The following SHE variants were observed in gnomAD, a reference collection of about 807,000 sequenced individuals.
The protein encoded by SHE is Src homology 2 domain containing E, also known as SH2 domain-containing adapter protein E.
In SHE, 11 loss-of-function variants were observed where a neutral mutation model predicts 49.8. That is an observed-to-expected ratio of 0.22 (90% CI 0.14 to 0.37). The LOEUF (loss-of-function observed/expected upper bound fraction) is 0.37, where lower values mean the gene tolerates loss of function less well. Ranked by LOEUF, SHE falls within the 10% of genes least tolerant of loss-of-function variation. The pLI is 1.00. For synonymous variants in SHE, 310 were observed against 278.1 expected (o/e 1.11, Z -1.14); for missense variants, 624 against 655.5 (o/e 0.95, Z 0.52).
intron 1 of SHE, among the ~76,000 whole-genome samples, chr1:154,470,712 C>A (rs1325832869): frequency 6.6e-6 from 1 of 152,132 alleles, no homozygotes; most frequent in Non-Finnish European, 1.5e-5. Context: ...TGGTGGCGGG[C>A]ACCTGTAATC....
chr1:154,499,724 T>C (rs148482335), intron 1 of SHE, among the ~76,000 whole-genome samples: 2 of 152,286 alleles, frequency 1.3e-5, no homozygotes, highest in African/African-American at 4.8e-5. Context: ...CAAGACATGC[T>C]TCCTGTCCTC....
intron 2 of SHE, among the ~76,000 whole-genome samples, chr1:154,494,404 G>C (rs1361851136): frequency 1.4e-5 from 2 of 142,198 alleles, no homozygotes; most frequent in African/African-American, 5.1e-5. Context: ...TTTAGAGATG[G>C]GGTCTCACTA....
At chr1:154,487,812 C>T (rs1036126551) in intron 3 of SHE, among the ~76,000 whole-genome samples, 3 of 149,022 alleles carry the variant, frequency 2.0e-5, no homozygotes, top group African/African-American at 4.9e-5. Flanking sequence ...ATCACACCAA[C>T]GCACTCCAGC....
chr1:154,501,431 C>T lies in SHE; in HGVS notation c.591+5G>A. 1 of 1,613,660 alleles carries T rather than the reference C, an allele frequency of 6.2e-7. No homozygotes were observed. The highest frequency in any genetic ancestry group is 8.5e-7 in the Non-Finnish European group (1 of 1,179,706). On this transcript the variant is annotated splice_donor_5th_base_variant and intron_variant, in intron 1 of 5. Transcript: ENST00000304760. ...GAGGTGGTCCAAGGGAGGCTGTATTCTTACCGTCTCTTGCTGCTTAATAAT... is the reference window on the plus strand; with the variant it reads ...GAGGTGGTCCAAGGGAGGCTGTATTTTTACCGTCTCTTGCTGCTTAATAAT...
At chr1:154,474,961 C>A (rs1691841840), downstream of SHE, among the ~76,000 whole-genome samples, 1 of 152,206 alleles carries the variant, frequency 6.6e-6, no homozygotes, top group Non-Finnish European at 1.5e-5. Context: ...ACAAGAGGAA[C>A]CAATGTCCTC....
chr1:154,480,242 T>C lies in SHE; in HGVS notation c.*3907A>G, dbSNP rs531583915. On this transcript the variant is annotated 3_prime_UTR_variant, in exon 6 of 6. Coordinates refer to ENST00000304760, the MANE Select transcript of SHE (RefSeq NM_001010846.3). ...ACGAGAGATCTGTGAAGGGTTTCAG[T>C]GCAATCCTGCTGAGTGTCAAGGGGT... 7.1e-6 allele frequency: 7 copies of C among 985,440 alleles called. No individual in the cohort carries two copies. In the South Asian group the frequency reaches 2.3e-4, roughly 33 times the overall value. 61.0% of individuals were successfully genotyped at this position (985,440 alleles called of 1,614,324 possible).
Position 154,484,250 on chromosome 1 carries a change from T to C in SHE, c.1387A>G (p.Ser463Gly), listed in dbSNP as rs1285563589. Residue 463 changes from serine to glycine, a missense_variant, in exon 6 of 6, where the codon AGC becomes GGC. Transcript: ENST00000304760. The part of the protein sequence containing the change: ...TLNQTSAVFD[S>G]IPEVVHYYSN... Reference sequence around the variant, plus strand: ...TAATAGTGTACCACTTCAGGGATGCTGTCAAACACAGCGCTTGTCTGATTC... The same window carrying C: ...TAATAGTGTACCACTTCAGGGATGCCGTCAAACACAGCGCTTGTCTGATTC... 1.2e-6 allele frequency: 2 copies of C among 1,614,230 alleles called. No homozygotes were observed. The highest frequency in any genetic ancestry group is 3.3e-5 in the Admixed American group (2 of 60,028).
chr1:154,486,375 TG>T (rs1270687203), intron 4 of SHE, 151 bp downstream of exon 4: 2 of 1,084,458 alleles, frequency 1.8e-6, no homozygotes, highest in Non-Finnish European at 2.6e-6. Context: ...CACAATGCAC[TG>T]GGCTTTGAAG....
intron 2 of SHE, among the ~76,000 whole-genome samples, chr1:154,489,876 G>GCTAAT (rs1449683703): frequency 8.5e-5 from 13 of 152,208 alleles, no homozygotes; most frequent in Non-Finnish European, 2.9e-5. Flanking sequence ...TTAGCCCACA[G>GCTAAT]CTGGACACGA....
intron 1 of SHE, among the ~76,000 whole-genome samples, chr1:154,471,031 CA>C (rs66850263): frequency 0.73 from 107,342 of 147,384 alleles, 39,720 homozygotes; most frequent in East Asian, 0.83. Context: ...AAAAAAAACA[CA>C]AAAAAAAAAT....
chr1:154,493,698 G>T (rs908985081), intron 2 of SHE, among the ~76,000 whole-genome samples: 1 of 152,182 alleles, frequency 6.6e-6, no homozygotes, highest in Admixed American at 6.5e-5. Context: ...AAACAAGAAA[G>T]TCTTAGCAGA....
At chr1:154,475,539 G>A (rs1416905297), downstream of SHE, among the ~76,000 whole-genome samples, 1 of 152,148 alleles carries the variant, frequency 6.6e-6, no homozygotes, top group Non-Finnish European at 1.5e-5. Context: ...GACCGGATTT[G>A]CTCTTTTTTC....
chr1:154,475,378 G>C (rs1462286631), downstream of SHE, among the ~76,000 whole-genome samples: 3 of 152,094 alleles, frequency 2.0e-5, no homozygotes, highest in Non-Finnish European at 2.9e-5. Flanking sequence ...GTAGAGACAG[G>C]GTTTCCCCAT....
intron 3 of SHE, among the ~76,000 whole-genome samples, chr1:154,488,258 AATTATT>A (rs902991918): frequency 8.6e-5 from 13 of 150,606 alleles, no homozygotes; most frequent in African/African-American, 9.8e-5. Flanking sequence ...ACTTTTGTAT[AATTATT>A]ATTATTATTT....
chr1:154,499,408 G>GT (rs5777916), intron 1 of SHE, among the ~76,000 whole-genome samples, 170 bp from the exon 2 acceptor site: 6 of 151,798 alleles, frequency 4.0e-5, no homozygotes, highest in Admixed American at 6.6e-5. Flanking sequence ...ACAAACACCT[G>GT]TTTTTTTTGG....
rs922876034 is a variant in SHE at position 154,481,280 on chromosome 1, T to C, written c.*2869A>G. ...TTGTGTCACAACCTCAAGAAGAAAA[T>C]AGCTCACTAACGCCCCCACCTCTGA... On this transcript the variant is annotated 3_prime_UTR_variant, in exon 6 of 6. Transcript: ENST00000304760. 4.1e-6 allele frequency: 4 copies of C among 985,370 alleles called. No homozygotes were observed. The highest frequency in any genetic ancestry group is 1.7e-5 in the African/African-American group (1 of 57,320). The allele number at this position is 985,370 out of a possible 1,614,324, so 61.0% of individuals were successfully genotyped here.
intron 2 of SHE, among the ~76,000 whole-genome samples, chr1:154,494,816 C>G (rs1692474155): frequency 6.6e-6 from 1 of 152,170 alleles, no homozygotes; most frequent in African/African-American, 2.4e-5. Context: ...CTTTGGGACG[C>G]CAAGGCAGGA....
chr1:154,472,860 A>G (rs1286129983), intron 1 of SHE, among the ~76,000 whole-genome samples: 2 of 152,172 alleles, frequency 1.3e-5, no homozygotes, highest in African/African-American at 4.8e-5. Context: ...TACTAAAATT[A>G]CCTAATAATA....
At chr1:154,470,717 G>A in intron 1 of SHE, among the ~76,000 whole-genome samples, 1 of 152,190 alleles carries the variant, frequency 6.6e-6, no homozygotes, top group East Asian at 1.9e-4. Flanking sequence ...GCGGGCACCT[G>A]TAATCCCAGC....
Sources: allele counts gnomAD v4.1 joint callset (sites outside exome capture counted in the v4.1 genomes callset), GRCh38; gene constraint gnomAD v4.1.1; transcripts MANE v1.5; gene names NCBI Gene and HGNC (gene_info 2026-07-23, HGNC 2026-07-21).